HDX: variants seen among roughly 807,000 people sequenced by gnomAD.
HDX encodes chromosome X open reading frame 43.
HDX carries 19 observed loss-of-function variants against 45.2 expected under a neutral mutation model. The ratio of observed to expected loss-of-function variants is 0.42; its 90% CI spans 0.29 to 0.62. The LOEUF (loss-of-function observed/expected upper bound fraction) is 0.62, where lower values mean the gene tolerates loss of function less well. Ranked by LOEUF, HDX falls within the 20% of genes least tolerant of loss-of-function variation. The pLI, the probability that HDX is intolerant of heterozygous loss-of-function variation, is 0.20. For missense variants in HDX, 532 were observed against 493.9 expected, an observed-to-expected ratio of 1.08 and a Z score of -0.73; for synonymous variants, 188 against 172.8, an observed-to-expected ratio of 1.09 and a Z score of -0.69.
At chrX:84,385,154 G>A (rs1265043663) in intron 5 of HDX, among the ~76,000 whole-genome samples, 2 of 91,368 alleles carry the variant, frequency 2.2e-5, no homozygotes, top group Admixed American at 1.2e-4. Context: ...TCCAATTCAT[G>A]AGCATGGAAT....
intron 5 of HDX, among the ~76,000 whole-genome samples, chrX:84,425,299 C>G (rs1310986738): frequency 1.8e-5 from 2 of 111,463 alleles, no homozygotes; most frequent in African/African-American, 6.5e-5. Flanking sequence ...GGGTTATATC[C>G]AAATGACAGT....
chrX:84,422,663 G>GTTTTTTTTTTT (rs779557860), intron 5 of HDX, among the ~76,000 whole-genome samples: 1 of 64,919 alleles, frequency 1.5e-5, no homozygotes, highest in Non-Finnish European at 2.8e-5. Flanking sequence ...GAAATAAAAG[G>GTTTTTTTTTTT]TTTTTTTTTT....
rs1055588982 is a variant in HDX at position 84,318,604 on chromosome X, C to T, written c.*3285G>A. ...AAAGGCAACAAAGTCCATTTTAGAG[C>T]CCAAAATTATTTTAAATTAACCACT... On this transcript the variant is annotated 3_prime_UTR_variant, in exon 11 of 11. Transcript: ENST00000373177. 7 of 110,797 alleles carry T rather than the reference C, an allele frequency of 6.3e-5. No homozygotes were observed. Among genetic ancestry groups the T allele is most frequent in the African/African-American group, 2.3e-4 (7 of 30,668 alleles). 9.1% of individuals were successfully genotyped at this position (110,797 alleles called of 1,213,427 possible).
intron 1 of HDX, among the ~76,000 whole-genome samples, chrX:84,490,697 A>G: frequency 9.7e-6 from 1 of 103,482 alleles, no homozygotes; most frequent in Admixed American, 1.0e-4. Flanking sequence ...TTTTAAATTT[A>G]TTTTTTATAA....
At chrX:84,484,023 C>T (rs900782604) in intron 2 of HDX, among the ~76,000 whole-genome samples, 6 of 111,506 alleles carry the variant, frequency 5.4e-5, no homozygotes, top group African/African-American at 2.0e-4. Context: ...TGGTCAAAGC[C>T]ATTCAACAAG....
At chrX:84,473,796 T>A (rs930620349) in intron 3 of HDX, among the ~76,000 whole-genome samples, 1 of 110,547 alleles carries the variant, frequency 9.0e-6, no homozygotes, top group Non-Finnish European at 1.9e-5. Context: ...GCAGAGGAAA[T>A]TACTGCAGGA....
At chrX:84,424,791 A>G (rs147216147) in intron 5 of HDX, among the ~76,000 whole-genome samples, 12,483 of 110,705 alleles carry the variant, frequency 0.11, 626 homozygotes, top group South Asian at 0.28. Flanking sequence ...CCTATCTCTC[A>G]CCATAGACAA....
rs746698183 is a variant in HDX at position 84,468,592 on chromosome X, G to A, written c.1131C>T (p.Thr377=). ...QNRNYHLTPR[T]SLHTASSTMY... is the part of the protein sequence containing the mutation. Reference sequence around the variant, plus strand: ...TTGTACTAGATGCTGTATGTAATGAGGTCCGTGGTGTCAAATGGTAGTTTC... The same window carrying A: ...TTGTACTAGATGCTGTATGTAATGAAGTCCGTGGTGTCAAATGGTAGTTTC... Residue 377 remains threonine, a synonymous_variant, in exon 4 of 11, where the codon ACC becomes ACT. Coordinates refer to ENST00000373177, the MANE Select transcript of HDX (RefSeq NM_001177479.2). 1.1e-5 allele frequency: 13 copies of A among 1,201,690 alleles called. No individual in the cohort carries two copies. In the South Asian group the frequency reaches 2.1e-4, roughly 20 times the overall value.
intron 5 of HDX, among the ~76,000 whole-genome samples, chrX:84,430,797 T>C (rs1391910056): frequency 9.2e-6 from 1 of 109,191 alleles, no homozygotes; most frequent in African/African-American, 3.4e-5. Context: ...TTTTTTCATA[T>C]ACTTGTTGAT....
chrX:84,404,751 G>C (rs923928058), intron 5 of HDX, among the ~76,000 whole-genome samples: 2 of 111,442 alleles, frequency 1.8e-5, no homozygotes, highest in Non-Finnish European at 3.8e-5. Flanking sequence ...GGATATGGTT[G>C]AGAAATTTGA....
At chrX:84,411,751 C>T (rs904987207) in intron 5 of HDX, among the ~76,000 whole-genome samples, 2 of 111,373 alleles carry the variant, frequency 1.8e-5, no homozygotes, top group East Asian at 5.7e-4. Context: ...TTGTATAATA[C>T]TGTCAGTGGT....
intron 5 of HDX, among the ~76,000 whole-genome samples, chrX:84,377,749 G>A (rs1191422149): frequency 9.0e-6 from 1 of 110,627 alleles, no homozygotes; most frequent in Non-Finnish European, 1.9e-5. Context: ...CACAAATAGA[G>A]GATCTAGAAA....
At chrX:84,409,178 A>T (rs1016622031) in intron 5 of HDX, among the ~76,000 whole-genome samples, 3 of 111,080 alleles carry the variant, frequency 2.7e-5, no homozygotes, top group Non-Finnish European at 5.7e-5. Context: ...GTGAGATACC[A>T]TCTCACACCA....
At chrX:84,344,103 G>T (rs2037146116) in intron 7 of HDX, 147 bp downstream of exon 7, 1 of 422,736 alleles carries the variant, frequency 2.4e-6, no homozygotes, top group East Asian at 3.9e-5. Flanking sequence ...CTGTTTAGGT[G>T]GAGGCATTAA....
chrX:84,429,862 G>A (rs778321003), intron 5 of HDX, among the ~76,000 whole-genome samples: 1 of 109,887 alleles, frequency 9.1e-6, no homozygotes, highest in South Asian at 3.8e-4. Flanking sequence ...GCAATGGAAA[G>A]GACAATTTTT....
At chrX:84,423,686 A>AT (rs1316882438) in intron 5 of HDX, among the ~76,000 whole-genome samples, 5 of 111,945 alleles carry the variant, frequency 4.5e-5, no homozygotes, top group Non-Finnish European at 7.5e-5. Context: ...GTGAAATATC[A>AT]TATCAACAGA....
rs2036895775 is a variant in HDX, at chrX:84,333,777, G to A, written c.1806C>T (p.Asn602=). Residue 602 remains asparagine (N), a synonymous_variant, in exon 9 of 11, where the codon AAC becomes AAT. Coordinates refer to ENST00000373177, the MANE Select transcript of HDX (RefSeq NM_001177479.2). ...TACCTACCTTATAATCCAAGAAAGA[G>A]TTTACTTGTTCTACTTCAGAATTAC... ...MISNSEVEQV[N]SFLDYKNEEV... 4 of 933,759 alleles carry A rather than the reference G, an allele frequency of 4.3e-6. No homozygotes were observed. The highest frequency in any genetic ancestry group is 6.1e-6 in the Non-Finnish European group (4 of 656,213). The allele number at this position is 933,759 out of a possible 1,213,427, so 77.0% of individuals were successfully genotyped here.
At chrX:84,468,356 C>T (rs1040056278) in intron 4 of HDX, 116 bp downstream of exon 4, 3 of 453,801 alleles carry the variant, frequency 6.6e-6, no homozygotes, top group Non-Finnish European at 1.1e-5. Context: ...CAAACCACCA[C>T]TTTGAAGCAA....
intron 5 of HDX, among the ~76,000 whole-genome samples, chrX:84,392,315 C>A (rs746123413): frequency 2.7e-5 from 3 of 111,302 alleles, no homozygotes; most frequent in Non-Finnish European, 5.7e-5. Context: ...TTGGTCACTA[C>A]AGCCTTGTAA....
Sources: gnomAD v4.1 joint callset for allele counts (sites outside exome capture counted in the v4.1 genomes callset) on GRCh38, gnomAD v4.1.1 for gene constraint, MANE v1.5 for transcripts, NCBI Gene and HGNC (gene_info 2026-07-23, HGNC 2026-07-21) for gene names.